The following MON2 variants were observed in gnomAD, a reference collection of about 807,000 sequenced individuals.
The protein encoded by MON2 is MON2 regulator of endosome-to-Golgi trafficking, also known as protein MON2 homolog.
MON2 carries 84 observed loss-of-function variants against 208.6 expected under a neutral mutation model. The observed-to-expected ratio is 0.40, with a 90% CI of 0.34 to 0.48. The LOEUF is 0.48. Among genes scored for constraint, MON2 ranks in the 20% least tolerant of loss-of-function variants. The pLI is 0.59. For synonymous variants in MON2, 660 were observed against 694.0 expected (o/e 0.95, Z 0.77); for missense variants, 1,611 against 2,015.4 (o/e 0.80, Z 3.84).
At chr12:62,522,009 A>C (rs1307152675) in intron 8 of MON2, among the ~76,000 whole-genome samples, 1 of 152,182 alleles carries the variant, frequency 6.6e-6, no homozygotes, top group Non-Finnish European at 1.5e-5. Flanking sequence ...CCTGACCAAC[A>C]TGGCGAAACC....
chr12:62,546,073 C>G (rs971590430), intron 21 of MON2, among the ~76,000 whole-genome samples: 1 of 152,124 alleles, frequency 6.6e-6, no homozygotes, highest in East Asian at 1.9e-4. Context: ...TTTTTTAAGT[C>G]TCCAACAAAT....
chr12:62,471,073 A>G (rs1439630320), intron 1 of MON2, among the ~76,000 whole-genome samples: 2 of 152,236 alleles, frequency 1.3e-5, no homozygotes, highest in African/African-American at 2.4e-5. Context: ...AATCTTTTAT[A>G]TAATGGAGAG....
At chr12:62,494,544 A>G (rs2136051407) in intron 3 of MON2, among the ~76,000 whole-genome samples, 1 of 152,294 alleles carries the variant, frequency 6.6e-6, no homozygotes, top group African/African-American at 2.4e-5. Flanking sequence ...GAAGTGATAA[A>G]TGTTTTGACA....
chr12:62,575,998 A>G (rs2074763412), intron 30 of MON2, among the ~76,000 whole-genome samples: 1 of 152,202 alleles, frequency 6.6e-6, no homozygotes, highest in Admixed American at 6.5e-5. Flanking sequence ...ACTAATGTTC[A>G]TAGCAGTGTT....
intron 1 of MON2, among the ~76,000 whole-genome samples, chr12:62,468,959 T>G (rs12581171): frequency 0.37 from 56,480 of 151,900 alleles, 10,722 homozygotes; most frequent in African/African-American, 0.42. Flanking sequence ...TTTGTTTTGT[T>G]TTTTGATTTT....
Position 62,537,700 on chromosome 12 carries a change from T to C in MON2, c.2112T>C (p.Thr704=). 1 of 1,609,286 alleles carries C rather than the reference T, an allele frequency of 6.2e-7. No homozygotes were observed. The highest frequency in any genetic ancestry group is 8.5e-7 in the Non-Finnish European group (1 of 1,177,488). Residue 704 remains threonine (T), a synonymous_variant, in exon 16 of 35, where the codon ACT becomes ACC. Coordinates refer to ENST00000393630, the MANE Select transcript of MON2 (RefSeq NM_015026.3). The part of the protein sequence containing the change: ...LGTSWQLVLA[T]LQHLVWILGL... ...CATCATGGCAACTTGTCTTGGCAACTCTTCAGGTATGTAAAAGTGTCTAGG... is the reference window on the plus strand; with the variant it reads ...CATCATGGCAACTTGTCTTGGCAACCCTTCAGGTATGTAAAAGTGTCTAGG...
At chr12:62,580,274 T>C in intron 31 of MON2, 23 bp from the exon 32 acceptor site, 1 of 1,599,708 alleles carries the variant, frequency 6.3e-7, no homozygotes, top group Non-Finnish European at 8.5e-7. Context: ...ACAATACATT[T>C]GCATTTGCCT....
At chr12:62,522,291 ACTT>A (rs1331585280) in intron 8 of MON2, among the ~76,000 whole-genome samples, 1 of 152,204 alleles carries the variant, frequency 6.6e-6, no homozygotes, top group Non-Finnish European at 1.5e-5. Context: ...CTAATTTTCT[ACTT>A]CTTCACAGAC....
intron 2 of MON2, among the ~76,000 whole-genome samples, chr12:62,491,487 A>T (rs1027945463): frequency 5.3e-5 from 8 of 152,122 alleles, no homozygotes; most frequent in Non-Finnish European, 1.0e-4. Flanking sequence ...TTTTTATGAA[A>T]ATGAGTTCAT....
chr12:62,532,350 T>G (rs2072694195), intron 11 of MON2, 88 bp from the exon 12 acceptor site: 1 of 976,460 alleles, frequency 1.0e-6, no homozygotes, highest in Non-Finnish European at 1.5e-6. Flanking sequence ...AATCTTAATT[T>G]CTATAGTCTG....
chr12:62,478,702 G>C (rs1307508520), intron 1 of MON2, among the ~76,000 whole-genome samples: 2 of 152,176 alleles, frequency 1.3e-5, no homozygotes, highest in African/African-American at 4.8e-5. Flanking sequence ...CCTTTTAAAA[G>C]ATGTCCTTAC....
rs1490528585 is a variant in MON2 at position 62,596,432 on chromosome 12, T to C, written c.*3683T>C. The stretch of plus-strand genomic sequence containing the variant: ...GCTCAGAATATTGTGGATTACAGTT[T>C]TTCAGAGAAAACTACCACAGATGTA... On this transcript the variant is annotated 3_prime_UTR_variant, in exon 35 of 35. Coordinates refer to ENST00000393630, the MANE Select transcript of MON2 (RefSeq NM_015026.3). 1 of 152,186 alleles carries C rather than the reference T, an allele frequency of 6.6e-6. No homozygotes were observed. Among genetic ancestry groups the C allele is most frequent in the Non-Finnish European group, 1.5e-5 (1 of 68,044 alleles). The allele number at this position is 152,186 out of a possible 1,614,324, so 9.4% of individuals were successfully genotyped here. A position where few individuals can be genotyped will look rare whatever the true frequency, so the allele number is the denominator to read the frequency against.
intron 23 of MON2, among the ~76,000 whole-genome samples, chr12:62,551,711 AG>A (rs1182760055): frequency 6.6e-6 from 1 of 152,242 alleles, no homozygotes; most frequent in Non-Finnish European, 1.5e-5. Flanking sequence ...CAATAAAACA[AG>A]GCATCTCTGT....
intron 4 of MON2, among the ~76,000 whole-genome samples, chr12:62,497,314 TA>T (rs960994930): frequency 1.3e-5 from 2 of 151,910 alleles, no homozygotes; most frequent in South Asian, 2.1e-4. Context: ...TAAAGTATAA[TA>T]AAAAAAATTC....
chr12:62,578,450 C>A lies in MON2; in HGVS notation c.4520C>A (p.Pro1507His). 2.1e-6 allele frequency: 3 copies of A among 1,425,644 alleles called. No individual in the cohort carries two copies. The highest frequency in any genetic ancestry group is 1.3e-5 in the South Asian group (1 of 76,420). The allele number at this position is 1,425,644 out of a possible 1,614,324, so 88.3% of individuals were successfully genotyped here. ...CAAGTGTTTTTTTTTTTTAGCATAC[C>A]TCCAGATAATCTCTCTATTCAAGAG... Reference protein sequence around the residue: ...FEDFLFTKSIPPDNLSIQEFQ... With the variant: ...FEDFLFTKSIHPDNLSIQEFQ... The change falls in exon 31 of 35, where the codon CCT becomes CAT. Residue 1507 changes from proline to histidine, a missense_variant. Pro to His is a moderately conservative substitution (Grantham distance 77). Coordinates refer to ENST00000393630, the MANE Select transcript of MON2 (RefSeq NM_015026.3).
At chr12:62,484,858 T>C (rs920759450) in intron 2 of MON2, 1 of 152,124 alleles carries the variant, frequency 6.6e-6, no homozygotes, top group Non-Finnish European at 1.5e-5. Flanking sequence ...CTCCTTTCTC[T>C]TCCTTGGTGC....
intron 12 of MON2, among the ~76,000 whole-genome samples, chr12:62,534,386 G>A (rs2072805834): frequency 6.7e-6 from 1 of 150,292 alleles, no homozygotes; most frequent in Admixed American, 6.6e-5. Flanking sequence ...AGGTGTGGTG[G>A]CGTGTGTCTG....
intron 22 of MON2, among the ~76,000 whole-genome samples, chr12:62,547,563 T>A (rs1413230235): frequency 1.3e-5 from 2 of 152,204 alleles, no homozygotes; most frequent in South Asian, 2.1e-4. Context: ...GTGCAGAGTG[T>A]ATTTCAAATA....
rs937056259 is a variant in MON2, at chr12:62,484,237, A to AT, written c.175+10dup. 2.5e-6 allele frequency: 4 copies of AT among 1,580,872 alleles called. No individual in the cohort carries two copies. In the East Asian group the frequency reaches 9.0e-5, roughly 36 times the overall value. ...CGAAACACTGAAATTTTGGCAGGTA[A>AT]TTTTTTGTATTAAAAATTTAATAAT... On this transcript the variant is annotated splice_donor_region_variant and intron_variant, in intron 2 of 34. Transcript: ENST00000393630.
Sources: gnomAD v4.1 joint callset for allele counts (sites outside exome capture counted in the v4.1 genomes callset) on GRCh38, gnomAD v4.1.1 for gene constraint, MANE v1.5 for transcripts, NCBI Gene and HGNC (gene_info 2026-07-23, HGNC 2026-07-21) for gene names.